The following SIPA1L1 variants were observed in gnomAD, a reference collection of about 807,000 sequenced individuals.
SIPA1L1 encodes the protein signal-induced proliferation-associated 1-like protein 1.
SIPA1L1 carries 26 observed loss-of-function variants against 162.7 expected under a neutral mutation model. The ratio of observed to expected loss-of-function variants is 0.16; its 90% CI spans 0.12 to 0.22. The LOEUF is 0.22. SIPA1L1 is among the 10% of genes least tolerant of loss of function. The pLI, the probability that SIPA1L1 is intolerant of heterozygous loss-of-function variation, is 1.00. For synonymous variants in SIPA1L1, 829 were observed against 837.4 expected (o/e 0.99, Z 0.17); for missense variants, 1,874 against 2,241.0 (o/e 0.84, Z 3.31).
intron 2 of SIPA1L1, among the ~76,000 whole-genome samples, chr14:71,495,911 A>AAAG (rs1461871233): frequency 3.8e-5 from 4 of 106,124 alleles, no homozygotes; most frequent in Non-Finnish European, 7.5e-5. Flanking sequence ...AAAAAAAAAA[A>AAAG]AAGAAGAAGA....
intron 5 of SIPA1L1, among the ~76,000 whole-genome samples, chr14:71,603,970 GATATATTTATATATATTTATATATAT>G (rs2037157012): frequency 7.0e-6 from 1 of 142,856 alleles, no homozygotes. Context: ...TTTATATATA[GATATATTTATATATATTTATATATAT>G]ATAAATTTTT....
At chr14:71,707,956 C>A (rs576449213) in intron 16 of SIPA1L1, among the ~76,000 whole-genome samples, 1 of 150,582 alleles carries the variant, frequency 6.6e-6, no homozygotes, top group Admixed American at 6.6e-5. Flanking sequence ...TCGTATTTCC[C>A]TAATAACTAA....
chr14:71,592,076 C>G (rs1404406617), intron 5 of SIPA1L1, among the ~76,000 whole-genome samples: 1 of 152,132 alleles, frequency 6.6e-6, no homozygotes, highest in Non-Finnish European at 1.5e-5. Flanking sequence ...TGTATGGCAC[C>G]TAGGGATCAC....
intron 2 of SIPA1L1, among the ~76,000 whole-genome samples, chr14:71,375,218 A>G (rs1316628838): frequency 6.6e-6 from 1 of 151,904 alleles, no homozygotes; most frequent in Non-Finnish European, 1.5e-5. Context: ...TTTTACCACC[A>G]TCTTGGGGAT....
At chr14:71,515,721 TCTA>T (rs1408753405) in intron 3 of SIPA1L1, among the ~76,000 whole-genome samples, 1 of 152,198 alleles carries the variant, frequency 6.6e-6, no homozygotes, top group African/African-American at 2.4e-5. Flanking sequence ...CTCAGCAACT[TCTA>T]CCTCCTGGAT....
intron 2 of SIPA1L1, among the ~76,000 whole-genome samples, chr14:71,505,989 A>G (rs2050637235): frequency 7.0e-6 from 1 of 142,354 alleles, no homozygotes; most frequent in African/African-American, 2.5e-5. Context: ...AATCCCCACG[A>G]AAACGTAAAT....
At chr14:71,336,873 A>AT (rs2035150051) in intron 2 of SIPA1L1, among the ~76,000 whole-genome samples, 1 of 151,738 alleles carries the variant, frequency 6.6e-6, no homozygotes, top group Non-Finnish European at 1.5e-5. Context: ...AAGCTTTATC[A>AT]TTTTTTTCCC....
chr14:71,429,986 T>C (rs79343237), intron 2 of SIPA1L1, among the ~76,000 whole-genome samples: 2 of 152,186 alleles, frequency 1.3e-5, no homozygotes, highest in East Asian at 1.9e-4. Flanking sequence ...AATCTGTGCA[T>C]TGGGGGTAAA....
chr14:71,739,285 T>C lies in SIPA1L1; in HGVS notation c.*124T>C. The C allele has an allele frequency of 1.2e-6, 1 of 846,604 alleles. No homozygotes were observed. The highest frequency in any genetic ancestry group is 1.7e-6 in the Non-Finnish European group (1 of 587,528). The allele number at this position is 846,604 out of a possible 1,614,324, so 52.4% of individuals were successfully genotyped here. On this transcript the variant is annotated 3_prime_UTR_variant, in exon 24 of 24. Coordinates refer to ENST00000381232, the MANE Select transcript of SIPA1L1 (RefSeq NM_001386936.1). ...CCCTGGCTTCCTACTCTGCCCCCTT[T>C]CGGGGAGTGCACAACACAATAGTTG...
At chr14:71,495,710 C>T (rs750481255) in intron 2 of SIPA1L1, among the ~76,000 whole-genome samples, 3 of 151,168 alleles carry the variant, frequency 2.0e-5, no homozygotes, top group South Asian at 2.1e-4. Flanking sequence ...AAAGTGAAGA[C>T]GATTGAGATC....
intron 2 of SIPA1L1, among the ~76,000 whole-genome samples, chr14:71,444,713 G>C (rs1310068889): frequency 6.6e-6 from 1 of 152,190 alleles, no homozygotes; most frequent in Non-Finnish European, 1.5e-5. Flanking sequence ...GCCCAGGTAG[G>C]TGTCTGCTGC....
intron 2 of SIPA1L1, among the ~76,000 whole-genome samples, chr14:71,439,951 T>C (rs2044701313): frequency 6.6e-6 from 1 of 152,192 alleles, no homozygotes; most frequent in Admixed American, 6.5e-5. Context: ...ATTCCTGTTA[T>C]ACGGGAAGAG....
intron 2 of SIPA1L1, among the ~76,000 whole-genome samples, chr14:71,376,562 T>G (rs2039390466): frequency 6.6e-6 from 1 of 152,064 alleles, no homozygotes; most frequent in Admixed American, 6.5e-5. Context: ...GTTATTTCAT[T>G]TATTTATTTT....
At chr14:71,468,405 T>A (rs1200214137) in intron 2 of SIPA1L1, among the ~76,000 whole-genome samples, 1 of 152,114 alleles carries the variant, frequency 6.6e-6, no homozygotes, top group Non-Finnish European at 1.5e-5. Flanking sequence ...TGGGGAGGCC[T>A]CAGGAAGCTT....
At chr14:71,535,461 A>G (rs911194325) in intron 4 of SIPA1L1, among the ~76,000 whole-genome samples, 3 of 152,198 alleles carry the variant, frequency 2.0e-5, no homozygotes, top group Admixed American at 6.5e-5. Context: ...ATGAGCTGCT[A>G]TATAGAAAGA....
intron 3 of SIPA1L1, among the ~76,000 whole-genome samples, chr14:71,527,059 C>A (rs149606608): frequency 6.6e-6 from 1 of 152,234 alleles, no homozygotes; most frequent in East Asian, 1.9e-4. Context: ...AATTTTATTT[C>A]ATTGTAGTTT....
At chr14:71,686,467 C>T (rs1028281913) in intron 13 of SIPA1L1, among the ~76,000 whole-genome samples, 2 of 152,234 alleles carry the variant, frequency 1.3e-5, no homozygotes, top group Admixed American at 6.5e-5. Flanking sequence ...TTGGTTACCT[C>T]AAATCATGTA....
chr14:71,633,928 A>C (rs2040851925), intron 7 of SIPA1L1, among the ~76,000 whole-genome samples: 1 of 152,176 alleles, frequency 6.6e-6, no homozygotes, highest in Non-Finnish European at 1.5e-5. Flanking sequence ...ATATTTGGTA[A>C]GAAGTTTCCC....
chr14:71,492,919 C>T (rs2049405231), intron 2 of SIPA1L1, among the ~76,000 whole-genome samples: 1 of 151,922 alleles, frequency 6.6e-6, no homozygotes, highest in African/African-American at 2.4e-5. Flanking sequence ...AGCCATTGTG[C>T]CCAGCCAGTA....
Sources: allele counts gnomAD v4.1 joint callset (sites outside exome capture counted in the v4.1 genomes callset), GRCh38; gene constraint gnomAD v4.1.1; transcripts MANE v1.5; gene names NCBI Gene and HGNC (gene_info 2026-07-23, HGNC 2026-07-21).